The following DAD1 variants were observed in gnomAD, a reference collection of about 807,000 sequenced individuals.
DAD1 encodes defender against cell death 1, also known as dolichyl-diphosphooligosaccharide--protein glycosyltransferase subunit DAD1.
In DAD1, 4 loss-of-function variants were observed where a neutral mutation model predicts 9.0. The ratio of observed to expected loss-of-function variants is 0.44; its 90% CI spans 0.22 to 1.01. The LOEUF (loss-of-function observed/expected upper bound fraction) is 1.01. Among genes scored for constraint, DAD1 ranks in the 50% least tolerant of loss-of-function variants. The pLI is 0.24. For synonymous variants in DAD1, 60 were observed against 62.5 expected (o/e 0.96, Z 0.19); for missense variants, 119 against 137.3 (o/e 0.87, Z 0.67).
chr14:22,581,869 T>C (rs934738033), intron 1 of DAD1, among the ~76,000 whole-genome samples: 5 of 151,776 alleles, frequency 3.3e-5, no homozygotes, highest in South Asian at 2.1e-4. Context: ...CGGATTCAGT[T>C]ATAAGAGCGG....
At chr14:22,576,309 G>A (rs5742790) in intron 1 of DAD1, among the ~76,000 whole-genome samples, 13,986 of 152,050 alleles carry the variant, frequency 0.092, 1,171 homozygotes, top group African/African-American at 0.22. Context: ...AAAAACCCTC[G>A]TATACAAAAT....
intron 1 of DAD1, among the ~76,000 whole-genome samples, chr14:22,575,697 G>A (rs112795829): frequency 0.11 from 16,280 of 152,130 alleles, 900 homozygotes; most frequent in South Asian, 0.16. Context: ...ACAGGCATGC[G>A]CCACCATGCC....
intron 1 of DAD1, among the ~76,000 whole-genome samples, chr14:22,585,841 G>A (rs771792919): frequency 6.6e-6 from 1 of 152,160 alleles, no homozygotes; most frequent in African/African-American, 2.4e-5. Flanking sequence ...AAATAGAGAA[G>A]ATTAAAGAAC....
chr14:22,570,489 A>G (rs1440267811), intron 2 of DAD1, among the ~76,000 whole-genome samples: 1 of 152,204 alleles, frequency 6.6e-6, no homozygotes, highest in African/African-American at 2.4e-5. Context: ...TAACACAGGT[A>G]TCAGTAGCTT....
intron 1 of DAD1, among the ~76,000 whole-genome samples, chr14:22,579,987 G>GA (rs201900153): frequency 0.092 from 13,920 of 151,756 alleles, 1,162 homozygotes; most frequent in African/African-American, 0.22. Context: ...CAACAGTCAT[G>GA]CACCACCATG....
intron 2 of DAD1, 50 bp from the exon 3 acceptor site, chr14:22,565,187 G>T: frequency 1.4e-6 from 1 of 700,188 alleles, no homozygotes; most frequent in Non-Finnish European, 2.6e-6. Context: ...CTAGAGACAG[G>T]GCCCCAAATC....
At chr14:22,577,749 T>C (rs1393903847) in intron 1 of DAD1, among the ~76,000 whole-genome samples, 2 of 151,828 alleles carry the variant, frequency 1.3e-5, no homozygotes, top group Non-Finnish European at 2.9e-5. Flanking sequence ...AAACAGAAAG[T>C]GGAATGGTAG....
chr14:22,567,026 A>C (rs1457537214), intron 2 of DAD1: 1 of 152,232 alleles, frequency 6.6e-6, no homozygotes, highest in African/African-American at 2.4e-5. Context: ...TAAAGGTTTC[A>C]GGAAACTGAC....
chr14:22,569,723 T>C (rs1307045153), intron 2 of DAD1, among the ~76,000 whole-genome samples: 1 of 152,248 alleles, frequency 6.6e-6, no homozygotes, highest in Admixed American at 6.5e-5. Flanking sequence ...TATTCTTTTT[T>C]CTTTGGTAGC....
At chr14:22,566,469 G>A (rs1389761664) in intron 2 of DAD1, among the ~76,000 whole-genome samples, 4 of 152,112 alleles carry the variant, frequency 2.6e-5, no homozygotes, top group Non-Finnish European at 5.9e-5. Context: ...GAGTAGCTGG[G>A]ATTACAGGCG....
intron 2 of DAD1, among the ~76,000 whole-genome samples, chr14:22,566,422 C>T (rs1429040714): frequency 6.6e-6 from 1 of 152,108 alleles, no homozygotes; most frequent in African/African-American, 2.4e-5. Context: ...GCAACCTCCG[C>T]CTCCCGGGTT....
At chr14:22,567,749 A>G (rs5742854) in intron 2 of DAD1, among the ~76,000 whole-genome samples, 14,287 of 152,254 alleles carry the variant, frequency 0.094, 1,235 homozygotes, top group African/African-American at 0.23. Flanking sequence ...CCCCACTGCA[A>G]AAAGCTCTGT....
At position 22,589,073 on chromosome 14, in the gene DAD1, C is replaced by T; in HGVS notation, c.85G>A (p.Ala29Thr). The change falls in exon 1 of 3, where the codon GCG becomes ACG. Residue 29 changes from alanine to threonine, a missense_variant. Ala to Thr is a moderately conservative substitution (Grantham distance 58). Coordinates refer to ENST00000250498, the MANE Select transcript of DAD1 (RefSeq NM_001344.4). ...GTCAGCAGTATATACAGCAGGTACG[C>T]GTCCAGCAACTTCAGACGCTGCGGA... ...STPQRLKLLD[A>T]YLLYILLTGA... 6.2e-7 allele frequency: 1 copy of T among 1,614,208 alleles called. No homozygotes were observed. Among genetic ancestry groups the T allele is most frequent in the Non-Finnish European group, 8.5e-7 (1 of 1,180,046 alleles).
Position 22,585,051 on chromosome 14 carries a change from G to C in DAD1, c.211+3896C>G, listed in dbSNP as rs570491879. On this transcript the variant is annotated intron_variant, in intron 1 of 2. Coordinates refer to ENST00000250498, the MANE Select transcript of DAD1 (RefSeq NM_001344.4). ...CTAATCTCTCGGATAACAGTTATGAGAGATAATATTAGGATCCACAGATCT... is the reference window on the plus strand; with the variant it reads ...CTAATCTCTCGGATAACAGTTATGACAGATAATATTAGGATCCACAGATCT... Among the ~76,000 whole-genome samples, 4 of 152,340 alleles carry C rather than the reference G, an allele frequency of 2.6e-5. No homozygotes were observed. In the East Asian group the frequency reaches 5.8e-4, roughly 22 times the overall value.
intron 1 of DAD1, among the ~76,000 whole-genome samples, chr14:22,576,610 T>C (rs994575245): frequency 2.0e-5 from 3 of 152,058 alleles, no homozygotes; most frequent in South Asian, 2.1e-4. Context: ...AAAGTAAAAA[T>C]AGATAAATTG....
intron 1 of DAD1, among the ~76,000 whole-genome samples, chr14:22,588,443 TCAA>T (rs1303614371): frequency 6.6e-6 from 1 of 152,122 alleles, no homozygotes; most frequent in Non-Finnish European, 1.5e-5. Flanking sequence ...AACAGCTTCC[TCAA>T]CAAGAAAAAA....
At chr14:22,576,671 A>T (rs955473278) in intron 1 of DAD1, among the ~76,000 whole-genome samples, 4 of 152,272 alleles carry the variant, frequency 2.6e-5, no homozygotes, top group African/African-American at 9.6e-5. Context: ...TAAAGGGCAC[A>T]ACAGTGAAAA....
chr14:22,585,560 A>T (rs1196575055), intron 1 of DAD1, among the ~76,000 whole-genome samples: 2 of 152,214 alleles, frequency 1.3e-5, no homozygotes, highest in Non-Finnish European at 2.9e-5. Flanking sequence ...CCAATATATT[A>T]TACTCTGATG....
rs762533832 is a variant in DAD1, at chr14:22,575,195, C to A, written c.250G>T (p.Asp84Tyr). 9.9e-6 allele frequency: 16 copies of A among 1,614,054 alleles called. No individual in the cohort carries two copies. The highest frequency in any genetic ancestry group is 1.4e-5 in the Non-Finnish European group (16 of 1,180,024). ...RIQINPQNKA[D>Y]FQGISPERAF... ...CGCTCTGGGGAGATGCCTTGGAAAT[C>A]CGCTTTGTTCTGTGGGTTGATCTGT... The change falls in exon 2 of 3, where the codon GAT becomes TAT. Residue 84 changes from aspartate to tyrosine, a missense_variant. Asp to Tyr is a radical substitution (Grantham distance 160). Coordinates refer to ENST00000250498, the MANE Select transcript of DAD1 (RefSeq NM_001344.4).
Sources: allele counts gnomAD v4.1 joint callset (sites outside exome capture counted in the v4.1 genomes callset), GRCh38; gene constraint gnomAD v4.1.1; transcripts MANE v1.5; gene names NCBI Gene and HGNC (gene_info 2026-07-23, HGNC 2026-07-21).